Variants in SLC30A9 observed in about 807,000 individuals in gnomAD.
SLC30A9 encodes proton-coupled zinc antiporter SLC30A9, mitochondrial.
SLC30A9 carries 58 observed loss-of-function variants against 87.5 expected under a neutral mutation model. The observed-to-expected ratio is 0.66, with a 90% CI of 0.54 to 0.82. SLC30A9 has a LOEUF of 0.82. Among genes scored for constraint, SLC30A9 ranks in the 40% least tolerant of loss-of-function variants. The pLI, the probability that SLC30A9 is intolerant of heterozygous loss-of-function variation, is 0.00. For synonymous variants in SLC30A9, 234 were observed against 233.0 expected (o/e 1.00, Z -0.04); for missense variants, 557 against 679.1 (o/e 0.82, Z 2.00).
intron 7 of SLC30A9, among the ~76,000 whole-genome samples, chr4:42,035,867 A>G (rs1445306471): frequency 2.6e-5 from 4 of 152,198 alleles, no homozygotes; most frequent in Non-Finnish European, 4.4e-5. Context: ...GCATGTAGAT[A>G]TAGATGAGGA....
At position 42,066,560 on chromosome 4, in the gene SLC30A9, T is replaced by G; in HGVS notation, c.1083T>G (p.Leu361=). The change falls in exon 13 of 18, where the codon CTT becomes CTG. Residue 361 remains leucine (L), a synonymous_variant. Transcript: ENST00000264451. ...ATGCTTTTCTTTTAGCAACACTTCT[T>G]GTTGCTGTAAATGAACTTCGTAGGA... ...GSLVSEGATL[L]VAVNELRRNA... 1.2e-6 allele frequency: 2 copies of G among 1,603,426 alleles called. No homozygotes were observed. Among genetic ancestry groups the G allele is most frequent in the South Asian group, 1.1e-5 (1 of 89,766 alleles).
intron 9 of SLC30A9, among the ~76,000 whole-genome samples, chr4:42,059,013 ATAT>A (rs1463853154): frequency 3.3e-5 from 5 of 152,168 alleles, no homozygotes; most frequent in Admixed American, 3.3e-4. Context: ...AAAGCTTATA[ATAT>A]TCTGTGTATT....
intron 9 of SLC30A9, among the ~76,000 whole-genome samples, chr4:42,054,145 A>G (rs1215924868): frequency 2.0e-5 from 3 of 152,278 alleles, no homozygotes; most frequent in Non-Finnish European, 4.4e-5. Flanking sequence ...ACTGGAGGTC[A>G]GGAGTTCGAG....
At chr4:42,037,361 TGG>T (rs761829088) in intron 7 of SLC30A9, among the ~76,000 whole-genome samples, 1 of 151,270 alleles carries the variant, frequency 6.6e-6, no homozygotes, top group Non-Finnish European at 1.5e-5. Flanking sequence ...CACAGTGTTC[TGG>T]GTCTGCTCCT....
At chr4:41,996,312 T>G (rs1577674696) in intron 1 of SLC30A9, among the ~76,000 whole-genome samples, 1 of 151,194 alleles carries the variant, frequency 6.6e-6, no homozygotes, top group East Asian at 2.0e-4. Context: ...GTCAGGCTGG[T>G]CTCAAACTCC....
intron 6 of SLC30A9, among the ~76,000 whole-genome samples, chr4:42,025,572 A>T (rs974353391): frequency 2.0e-5 from 3 of 152,224 alleles, no homozygotes; most frequent in Admixed American, 6.5e-5. Context: ...CAAGTTCTTT[A>T]AATCATTGGT....
chr4:42,079,272 C>G (rs1008390008), intron 17 of SLC30A9, among the ~76,000 whole-genome samples: 4 of 151,682 alleles, frequency 2.6e-5, no homozygotes, highest in Non-Finnish European at 5.9e-5. Flanking sequence ...CTTTTAAAAA[C>G]ATACACCTAT....
At chr4:42,076,085 T>C (rs1261702396) in intron 16 of SLC30A9, among the ~76,000 whole-genome samples, 1 of 152,170 alleles carries the variant, frequency 6.6e-6, no homozygotes, top group Admixed American at 6.5e-5. Context: ...ATATAGAAAT[T>C]GAAAGACAGA....
intron 15 of SLC30A9, among the ~76,000 whole-genome samples, chr4:42,072,546 G>T (rs2153140730): frequency 6.6e-6 from 1 of 151,826 alleles, no homozygotes; most frequent in South Asian, 2.1e-4. Context: ...TTACGTATTT[G>T]TGAGTTGCAC....
At chr4:42,034,172 C>T (rs1262796699) in intron 6 of SLC30A9, among the ~76,000 whole-genome samples, 1 of 149,926 alleles carries the variant, frequency 6.7e-6, no homozygotes, top group Non-Finnish European at 1.5e-5. Context: ...TTGTATCAGG[C>T]TTAGTTAACT....
intron 9 of SLC30A9, among the ~76,000 whole-genome samples, chr4:42,052,303 G>A (rs1717411216): frequency 6.6e-6 from 1 of 152,188 alleles, no homozygotes; most frequent in East Asian, 1.9e-4. Context: ...CGCGTTCATA[G>A]ATTGGATGTC....
Position 42,023,650 on chromosome 4 carries a change from T to C in SLC30A9, c.610+266T>C, listed in dbSNP as rs74874993. ...TAAGACATATAACTATCAAAACTTA[T>C]CTGATTTAAAGATTATACTTGTTAT... On this transcript the variant is annotated intron_variant, in intron 6 of 17. Transcript: ENST00000264451. 5.0e-3 allele frequency among the ~76,000 whole-genome samples: 766 copies of C among 152,280 alleles called. 3 individuals carry two copies. Among genetic ancestry groups the C allele is most frequent in the Non-Finnish European group, 8.8e-3 (601 of 68,022 alleles).
chr4:42,067,169 G>C lies in SLC30A9; in HGVS notation c.1229G>C (p.Cys410Ser). ...TTGGGAGTTATAATAGCAGCCACTT[G>C]CATGGGCCTTACTTCTATAACAGGT... is the stretch of plus-strand genomic sequence containing the variant. ...AVLGVIIAAT[C>S]MGLTSITGNP... is the part of the protein sequence containing the mutation. Residue 410 changes from cysteine (C) to serine (S), a missense_variant, in exon 14 of 18, where the codon TGC becomes TCC. By Grantham distance (112) the Cys-to-Ser change is moderately radical (BLOSUM62 -1). This residue lies in a region of SLC30A9 where 467 missense variants were observed against 529.8 expected (regional missense o/e 0.88). Transcript: ENST00000264451. The C allele has an allele frequency of 3.7e-6, 6 of 1,603,788 alleles. No homozygotes were observed. In the South Asian group the frequency reaches 6.6e-5, roughly 18 times the overall value.
chr4:41,997,224 T>C (rs1227639258), intron 1 of SLC30A9, among the ~76,000 whole-genome samples: 1 of 152,002 alleles, frequency 6.6e-6, no homozygotes, highest in Non-Finnish European at 1.5e-5. Flanking sequence ...GCAGTGGTCT[T>C]CTAGACTGAG....
At chr4:42,068,470 C>T (rs762020414) in intron 14 of SLC30A9, among the ~76,000 whole-genome samples, 35 of 152,126 alleles carry the variant, frequency 2.3e-4, no homozygotes, top group East Asian at 7.7e-4. Context: ...CTCAAACTCC[C>T]GACCTCGGGG....
intron 17 of SLC30A9, among the ~76,000 whole-genome samples, chr4:42,085,165 T>C (rs896011242): frequency 6.6e-6 from 1 of 152,202 alleles, no homozygotes; most frequent in Non-Finnish European, 1.5e-5. Context: ...GTGTTTTCTG[T>C]CTAGACACTC....
intron 6 of SLC30A9, chr4:42,029,090 G>T (rs1420644715): frequency 7.5e-6 from 2 of 265,786 alleles, no homozygotes; most frequent in Middle Eastern, 1.3e-3. Context: ...AGTGGCAGTG[G>T]TGTGTCCTGT....
intron 2 of SLC30A9, among the ~76,000 whole-genome samples, chr4:42,015,308 A>G (rs970013530): frequency 6.6e-6 from 1 of 152,174 alleles, no homozygotes; most frequent in Non-Finnish European, 1.5e-5. Context: ...CCAAATAGCA[A>G]TTGGGGGATT....
chr4:42,049,329 A>T, intron 8 of SLC30A9, 48 bp from the exon 9 acceptor site: 1 of 1,233,398 alleles, frequency 8.1e-7, no homozygotes, highest in Non-Finnish European at 1.2e-6. Flanking sequence ...CTTTTGGCTT[A>T]AATTTTTGTC....
Sources: gnomAD v4.1 joint callset for allele counts (sites outside exome capture counted in the v4.1 genomes callset) on GRCh38, gnomAD v4.1.1 for gene constraint, gnomAD v4.1.1 regional missense constraint, MANE v1.5 for transcripts, NCBI Gene and HGNC (gene_info 2026-07-23, HGNC 2026-07-21) for gene names.